Variants in LINGO2 observed in about 807,000 individuals in gnomAD.
LINGO2 encodes the protein leucine-rich repeat and immunoglobulin-like domain-containing nogo receptor-interacting protein 2.
In LINGO2, 14 loss-of-function variants were observed where a neutral mutation model predicts 30.6. The observed-to-expected ratio is 0.46, with a 90% CI of 0.30 to 0.72. The LOEUF (loss-of-function observed/expected upper bound fraction) is 0.72, where lower values mean the gene tolerates loss of function less well. LINGO2 is among the 30% of genes least tolerant of loss of function. The probability of loss-of-function intolerance (pLI) is 0.07; values close to 1 mark genes in which losing one functional copy is unlikely to be tolerated. For synonymous variants in LINGO2, 317 were observed against 288.5 expected (o/e 1.10, Z -1.00); for missense variants, 729 against 751.7 (o/e 0.97, Z 0.35).
the LINGO2 span, among the ~76,000 whole-genome samples, chr9:28,852,148 T>G: frequency 6.6e-6 from 1 of 152,020 alleles, no homozygotes; most frequent in Non-Finnish European, 1.5e-5. Flanking sequence ...TTGTTTTAAC[T>G]TTAATGGATA....
At chr9:29,112,277 G>C in the LINGO2 span, among the ~76,000 whole-genome samples, 1 of 151,994 alleles carries the variant, frequency 6.6e-6, no homozygotes, top group Non-Finnish European at 1.5e-5. Context: ...TAGGACCAGC[G>C]GCATGAGCAT....
chr9:28,626,248 C>A, intron 1 of LINGO2, among the ~76,000 whole-genome samples: 1 of 152,154 alleles, frequency 6.6e-6, no homozygotes, highest in East Asian at 1.9e-4. Context: ...ATATTTTACA[C>A]ATTTTCTTAA....
chr9:28,090,028 C>G (rs1038737633), intron 4 of LINGO2, among the ~76,000 whole-genome samples: 4 of 152,136 alleles, frequency 2.6e-5, no homozygotes, highest in Non-Finnish European at 5.9e-5. Context: ...AGTTGAATCT[C>G]TGAATAGACC....
At chr9:28,925,773 T>G in the LINGO2 span, among the ~76,000 whole-genome samples, 1 of 152,218 alleles carries the variant, frequency 6.6e-6, no homozygotes, top group Non-Finnish European at 1.5e-5. Flanking sequence ...TCAAGTCAGC[T>G]ATAGAAGACA....
intron 5 of LINGO2, among the ~76,000 whole-genome samples, chr9:27,951,521 T>G (rs1333404264): frequency 6.6e-6 from 1 of 152,148 alleles, no homozygotes; most frequent in African/African-American, 2.4e-5. Flanking sequence ...TAATGATAAA[T>G]GAACTATCCC....
the LINGO2 span, among the ~76,000 whole-genome samples, chr9:28,926,073 GGGA>G: frequency 1.3e-5 from 2 of 152,194 alleles, no homozygotes; most frequent in African/African-American, 4.8e-5. Context: ...CTAGCACTTT[GGGA>G]GGTCGAGGTT....
chr9:28,975,727 G>A, the LINGO2 span, among the ~76,000 whole-genome samples: 2 of 152,262 alleles, frequency 1.3e-5, no homozygotes, highest in African/African-American at 2.4e-5. Flanking sequence ...AGATTGGCTA[G>A]CATTGTCACC....
At chr9:28,986,132 G>T in the LINGO2 span, among the ~76,000 whole-genome samples, 5 of 151,858 alleles carry the variant, frequency 3.3e-5, no homozygotes, top group Non-Finnish European at 5.9e-5. Context: ...CTTTTTATGT[G>T]TTGTACACAC....
chr9:28,676,708 T>G, the LINGO2 span, among the ~76,000 whole-genome samples: 1 of 152,138 alleles, frequency 6.6e-6, no homozygotes, highest in Non-Finnish European at 1.5e-5. Flanking sequence ...CATTTCCTTT[T>G]GTTCTTGCCC....
At chr9:28,512,019 C>G (rs1820405866) in intron 1 of LINGO2, among the ~76,000 whole-genome samples, 1 of 151,756 alleles carries the variant, frequency 6.6e-6, no homozygotes, top group Non-Finnish European at 1.5e-5. Flanking sequence ...TCAGTGCAGG[C>G]TGGGGGAGAG....
the LINGO2 span, among the ~76,000 whole-genome samples, chr9:28,991,181 G>T: frequency 7.2e-5 from 11 of 152,226 alleles, no homozygotes; most frequent in African/African-American, 2.6e-4. Context: ...GGAGCTGATG[G>T]AGCTGAAAGC....
At chr9:28,359,596 G>A (rs1820363127) in intron 3 of LINGO2, among the ~76,000 whole-genome samples, 1 of 152,084 alleles carries the variant, frequency 6.6e-6, no homozygotes, top group Non-Finnish European at 1.5e-5. Flanking sequence ...GTGACAGAAT[G>A]CAAATATATT....
the LINGO2 span, among the ~76,000 whole-genome samples, chr9:29,055,710 C>T: frequency 2.2e-4 from 34 of 152,142 alleles, no homozygotes; most frequent in South Asian, 7.0e-3. Flanking sequence ...TTATCCATCA[C>T]CTCCCTCCCA....
chr9:28,354,417 C>A (rs1282892432), intron 3 of LINGO2, among the ~76,000 whole-genome samples: 1 of 152,100 alleles, frequency 6.6e-6, no homozygotes, highest in African/African-American at 2.4e-5. Context: ...CAATGGCTCC[C>A]AAATTACATA....
At chr9:28,426,646 T>C (rs1032781333) in intron 2 of LINGO2, among the ~76,000 whole-genome samples, 4 of 152,100 alleles carry the variant, frequency 2.6e-5, no homozygotes, top group Non-Finnish European at 5.9e-5. Flanking sequence ...TTGTAAAAGA[T>C]GGGGACAGAG....
chr9:28,867,003 A>T, the LINGO2 span, among the ~76,000 whole-genome samples: 3,613 of 152,282 alleles, frequency 0.024, 170 homozygotes, highest in African/African-American at 0.082. Flanking sequence ...ACTGAAATAA[A>T]ACAAATAAGG....
chr9:28,046,002 C>T (rs1263843437), intron 4 of LINGO2, among the ~76,000 whole-genome samples: 1 of 152,082 alleles, frequency 6.6e-6, no homozygotes, highest in African/African-American at 2.4e-5. Flanking sequence ...AAAGTTTAGA[C>T]CTATAATGAG....
chr9:28,762,177 T>C, the LINGO2 span, among the ~76,000 whole-genome samples: 1 of 152,068 alleles, frequency 6.6e-6, no homozygotes, highest in East Asian at 1.9e-4. Flanking sequence ...ATAAATATTT[T>C]AAACATAGTT....
At chr9:28,816,590 C>A in the LINGO2 span, among the ~76,000 whole-genome samples, 1 of 152,234 alleles carries the variant, frequency 6.6e-6, no homozygotes, top group East Asian at 1.9e-4. Flanking sequence ...TAATAACCAT[C>A]TTTACAAAGG....
Sources: gnomAD v4.1 joint callset for allele counts (sites outside exome capture counted in the v4.1 genomes callset) on GRCh38, gnomAD v4.1.1 for gene constraint, MANE v1.5 for transcripts, NCBI Gene and HGNC (gene_info 2026-07-23, HGNC 2026-07-21) for gene names.